Variants in HS6ST3 observed in about 807,000 individuals in gnomAD.
The protein encoded by HS6ST3 is heparan sulfate 6-O-sulfotransferase 3.
A neutral mutation model predicts 36.7 loss-of-function variants in HS6ST3; 12 were observed. That is an observed-to-expected ratio of 0.33 (90% CI 0.21 to 0.53). The LOEUF (loss-of-function observed/expected upper bound fraction) is 0.53. Among genes scored for constraint, HS6ST3 ranks in the 20% least tolerant of loss-of-function variants. The probability of loss-of-function intolerance (pLI) is 0.95; values close to 1 mark genes in which losing one functional copy is unlikely to be tolerated. For missense variants in HS6ST3, 584 were observed against 640.9 expected (o/e 0.91, Z 0.96); for synonymous variants, 240 against 257.5 (o/e 0.93, Z 0.65).
At chr13:96,250,488 AT>A (rs1156494220) in intron 1 of HS6ST3, among the ~76,000 whole-genome samples, 3 of 152,238 alleles carry the variant, frequency 2.0e-5, no homozygotes, top group Non-Finnish European at 4.4e-5. Context: ...GTGAAGACAT[AT>A]GCAGAGATTG....
intron 1 of HS6ST3, among the ~76,000 whole-genome samples, chr13:96,772,087 G>T (rs373526359): frequency 1.3e-5 from 2 of 152,172 alleles, no homozygotes; most frequent in East Asian, 1.9e-4. Flanking sequence ...ATGGGGCCAG[G>T]GTTTTATATG....
At chr13:96,260,822 T>A in intron 1 of HS6ST3, among the ~76,000 whole-genome samples, 1 of 151,946 alleles carries the variant, frequency 6.6e-6, no homozygotes, top group South Asian at 2.1e-4. Context: ...GTATTTTTAG[T>A]AAAAATGGGG....
At chr13:96,457,946 C>T (rs1016992911) in intron 1 of HS6ST3, among the ~76,000 whole-genome samples, 8 of 151,776 alleles carry the variant, frequency 5.3e-5, no homozygotes, top group Non-Finnish European at 8.8e-5. Context: ...GTCTATACTA[C>T]TGGGTTCGGT....
intron 1 of HS6ST3, among the ~76,000 whole-genome samples, chr13:96,171,896 A>C (rs911055724): frequency 2.0e-5 from 3 of 152,110 alleles, no homozygotes; most frequent in African/African-American, 4.8e-5. Flanking sequence ...CTCGTGTTCT[A>C]ATAATTATGG....
At chr13:96,239,238 C>G (rs1200276143) in intron 1 of HS6ST3, among the ~76,000 whole-genome samples, 1 of 152,122 alleles carries the variant, frequency 6.6e-6, no homozygotes. Context: ...TCTATATACG[C>G]CCAGCGAATG....
At chr13:96,194,268 G>A (rs1307333959) in intron 1 of HS6ST3, among the ~76,000 whole-genome samples, 1 of 152,074 alleles carries the variant, frequency 6.6e-6, no homozygotes, top group Non-Finnish European at 1.5e-5. Context: ...TGATTGCCAG[G>A]AAGCTAAACC....
chr13:96,597,906 C>T (rs1440146176), intron 1 of HS6ST3, among the ~76,000 whole-genome samples: 1 of 151,958 alleles, frequency 6.6e-6, no homozygotes, highest in Admixed American at 6.6e-5. Context: ...TTTAATTTTC[C>T]CAACACCGTT....
At chr13:96,545,430 C>A (rs1316686777) in intron 1 of HS6ST3, among the ~76,000 whole-genome samples, 2 of 152,102 alleles carry the variant, frequency 1.3e-5, no homozygotes, top group Non-Finnish European at 2.9e-5. Context: ...TTTTGAAAAA[C>A]CTAGGAAATA....
intron 1 of HS6ST3, among the ~76,000 whole-genome samples, chr13:96,398,909 C>T (rs1376234969): frequency 6.6e-6 from 1 of 152,224 alleles, no homozygotes; most frequent in East Asian, 1.9e-4. Context: ...TAGACAGAGA[C>T]CTCAGGAACT....
chr13:96,499,029 ATT>A (rs5805974), intron 1 of HS6ST3, among the ~76,000 whole-genome samples: 434 of 126,768 alleles, frequency 3.4e-3, no homozygotes, highest in East Asian at 5.5e-3. Context: ...TTGTTCACAC[ATT>A]TTTTTTTTTT....
chr13:96,553,394 C>T (rs1038776142), intron 1 of HS6ST3, among the ~76,000 whole-genome samples: 4 of 152,134 alleles, frequency 2.6e-5, no homozygotes, highest in South Asian at 2.1e-4. Flanking sequence ...AAGCCCAAGT[C>T]GAGATGCTGG....
intron 1 of HS6ST3, among the ~76,000 whole-genome samples, chr13:96,821,199 T>C (rs1211084612): frequency 1.3e-5 from 2 of 152,220 alleles, no homozygotes; most frequent in South Asian, 2.1e-4. Flanking sequence ...CATGCACTCC[T>C]GTGCTAAAGT....
intron 1 of HS6ST3, among the ~76,000 whole-genome samples, chr13:96,732,787 G>A (rs531514208): frequency 1.3e-5 from 2 of 152,048 alleles, no homozygotes; most frequent in South Asian, 4.1e-4. Flanking sequence ...CAATCCATGA[G>A]CATGGGATAT....
chr13:96,541,190 C>T (rs2056176124), intron 1 of HS6ST3, among the ~76,000 whole-genome samples: 1 of 152,012 alleles, frequency 6.6e-6, no homozygotes, highest in Non-Finnish European at 1.5e-5. Context: ...CCGCTGCCAC[C>T]CCACCTGGCT....
chr13:96,706,282 G>A (rs912608842), intron 1 of HS6ST3, among the ~76,000 whole-genome samples: 1 of 151,632 alleles, frequency 6.6e-6, no homozygotes, highest in African/African-American at 2.4e-5. Context: ...CCCAGAGATG[G>A]ACCAAGAAGG....
intron 1 of HS6ST3, among the ~76,000 whole-genome samples, chr13:96,457,130 C>T (rs1178959003): frequency 1.3e-5 from 2 of 151,946 alleles, no homozygotes; most frequent in Admixed American, 6.6e-5. Flanking sequence ...CATTAGAATC[C>T]CTGCTCTTAT....
intron 1 of HS6ST3, among the ~76,000 whole-genome samples, chr13:96,111,196 G>A (rs2053866895): frequency 6.6e-6 from 1 of 152,270 alleles, no homozygotes; most frequent in African/African-American, 2.4e-5. Context: ...AAGGAAAAAG[G>A]TTGATTACTC....
chr13:96,811,019 A>G (rs2138535016), intron 1 of HS6ST3, among the ~76,000 whole-genome samples: 1 of 151,760 alleles, frequency 6.6e-6, no homozygotes, highest in Non-Finnish European at 1.5e-5. Context: ...CCTCCCCCCA[A>G]CTCCAATGGG....
chr13:96,681,971 C>T (rs1213424405), intron 1 of HS6ST3, among the ~76,000 whole-genome samples: 1 of 152,222 alleles, frequency 6.6e-6, no homozygotes, highest in East Asian at 1.9e-4. Context: ...TGGACAAAGT[C>T]ATGGGTCTAT....
Sources: gnomAD v4.1 joint callset for allele counts (sites outside exome capture counted in the v4.1 genomes callset) on GRCh38, gnomAD v4.1.1 for gene constraint, MANE v1.5 for transcripts, NCBI Gene and HGNC (gene_info 2026-07-23, HGNC 2026-07-21) for gene names.